Variants in KATNAL1 observed in about 807,000 individuals in gnomAD.
The protein encoded by KATNAL1 is katanin p60 ATPase-containing subunit A-like 1.
Under a neutral mutation model 55.2 loss-of-function variants are expected in KATNAL1, and 32 were observed. The ratio of observed to expected loss-of-function variants is 0.58; its 90% CI spans 0.44 to 0.78. The LOEUF is 0.78. Among genes scored for constraint, KATNAL1 ranks in the 30% least tolerant of loss-of-function variants. KATNAL1 has a pLI of 0.00. For missense variants in KATNAL1, 466 were observed against 600.9 expected (o/e 0.78, Z 2.35); for synonymous variants, 193 against 193.6 (o/e 1.00, Z 0.02).
At chr13:30,254,027 C>T (rs1259764911) in intron 4 of KATNAL1, among the ~76,000 whole-genome samples, 4 of 152,116 alleles carry the variant, frequency 2.6e-5, no homozygotes, top group Non-Finnish European at 5.9e-5. Context: ...TCACTTTGAA[C>T]GGTGCCCAGC....
At chr13:30,291,473 G>A (rs1045086832) in intron 1 of KATNAL1, among the ~76,000 whole-genome samples, 4 of 152,158 alleles carry the variant, frequency 2.6e-5, no homozygotes, top group Admixed American at 2.0e-4. Context: ...CTCAATATGC[G>A]TAAGATGTCA....
chr13:30,247,762 A>C (rs911441954), intron 4 of KATNAL1, among the ~76,000 whole-genome samples: 1 of 152,162 alleles, frequency 6.6e-6, no homozygotes, highest in Admixed American at 6.5e-5. Flanking sequence ...TAAGATAAGA[A>C]GCCACTGAAA....
At chr13:30,263,776 A>G (rs369070204) in intron 3 of KATNAL1, among the ~76,000 whole-genome samples, 15,330 of 137,352 alleles carry the variant, frequency 0.11, 1,072 homozygotes, top group Non-Finnish European at 0.16. Context: ...GGAAGAATCA[A>G]TATCGTGAAA....
At chr13:30,247,344 C>G (rs910205577) in intron 4 of KATNAL1, among the ~76,000 whole-genome samples, 2 of 152,036 alleles carry the variant, frequency 1.3e-5, no homozygotes, top group African/African-American at 2.4e-5. Context: ...AGTATCATGC[C>G]CTGCATTTGA....
intron 2 of KATNAL1, among the ~76,000 whole-genome samples, chr13:30,282,251 A>G (rs781593081): frequency 6.6e-6 from 1 of 152,178 alleles, no homozygotes; most frequent in Non-Finnish European, 1.5e-5. Context: ...TAGATTACTG[A>G]CTCATTTGTA....
intron 9 of KATNAL1, 78 bp downstream of exon 9, chr13:30,227,334 G>A (rs924692257): frequency 1.5e-6 from 2 of 1,371,734 alleles, no homozygotes; most frequent in Non-Finnish European, 2.0e-6. Flanking sequence ...AAGCAGAATG[G>A]CAATGGAATA....
intron 8 of KATNAL1, 129 bp from the exon 9 acceptor site, chr13:30,227,675 G>A: frequency 1.2e-6 from 1 of 806,578 alleles, no homozygotes; most frequent in Non-Finnish European, 1.8e-6. Context: ...ACCTCTGTGT[G>A]GTGGCAAAAC....
chr13:30,222,929 C>T (rs1289352839), intron 9 of KATNAL1, among the ~76,000 whole-genome samples: 1 of 151,650 alleles, frequency 6.6e-6, no homozygotes, highest in Non-Finnish European at 1.5e-5. Flanking sequence ...CCCGTCTCTA[C>T]TAATAATATA....
chr13:30,296,131 C>G (rs1468745405), intron 1 of KATNAL1: 4 of 438,206 alleles, frequency 9.1e-6, no homozygotes, highest in Non-Finnish European at 8.4e-6. Flanking sequence ...CCTTTGCCCA[C>G]ACAGCTTGTT....
chr13:30,261,861 A>G (rs1368202870), intron 3 of KATNAL1, among the ~76,000 whole-genome samples: 6 of 152,086 alleles, frequency 3.9e-5, no homozygotes, highest in Non-Finnish European at 5.9e-5. Flanking sequence ...CTCTGCACCA[A>G]GCGGACCTAA....
intron 9 of KATNAL1, among the ~76,000 whole-genome samples, chr13:30,216,105 A>C (rs1297343102): frequency 6.6e-6 from 1 of 152,198 alleles, no homozygotes; most frequent in Non-Finnish European, 1.5e-5. Flanking sequence ...ATAAATCTTA[A>C]AATACATTGA....
intron 4 of KATNAL1, among the ~76,000 whole-genome samples, chr13:30,252,792 G>GAGTGC (rs1432544571): frequency 6.6e-6 from 1 of 151,628 alleles, no homozygotes; most frequent in Non-Finnish European, 1.5e-5. Flanking sequence ...GCCCAAGCTG[G>GAGTGC]AGTGCAGTGG....
chr13:30,306,135 G>C lies in KATNAL1; in HGVS notation c.-15+1196C>G, dbSNP rs548817364. ...CATAAAGCAGCAAATTTCTAGGATG[G>C]TTATCTACCTATTAAAAAATTTTAA... On this transcript the variant is annotated intron_variant, in intron 1 of 10. Coordinates refer to ENST00000380615, the MANE Select transcript of KATNAL1 (RefSeq NM_032116.5). 4.1e-4 allele frequency among the ~76,000 whole-genome samples: 63 copies of C among 152,186 alleles called. 2 individuals are homozygous for C. The highest frequency in any genetic ancestry group is 1.7e-3 in the South Asian group (8 of 4,824).
intron 3 of KATNAL1, among the ~76,000 whole-genome samples, chr13:30,270,255 G>A (rs1385035443): frequency 6.6e-5 from 9 of 136,248 alleles, no homozygotes; most frequent in African/African-American, 2.3e-4. Context: ...AGGTTGGGGG[G>A]TCAGCCCCCC....
In KATNAL1 at chr13:30,255,617, TGAC is replaced by T; in HGVS notation, c.324-5_324-3del. 11 of 1,250,060 alleles carry T rather than the reference TGAC, an allele frequency of 8.8e-6. No homozygotes were observed. The highest frequency in any genetic ancestry group is 2.7e-5 in the South Asian group (1 of 37,684). 77.4% of individuals were successfully genotyped at this position (1,250,060 alleles called of 1,614,324 possible). ...GGACGCCTGATCTGAGGTGGAGCTC[TGAC>T]AAAAAAAAAAAAAAAAAAATTAAAA... On this transcript the variant is annotated splice_polypyrimidine_tract_variant and splice_region_variant and intron_variant, in intron 3 of 10. Coordinates refer to ENST00000380615, the MANE Select transcript of KATNAL1 (RefSeq NM_032116.5).
intron 3 of KATNAL1, among the ~76,000 whole-genome samples, chr13:30,266,292 G>A (rs542102472): frequency 3.3e-5 from 5 of 152,092 alleles, no homozygotes; most frequent in Admixed American, 6.5e-5. Context: ...GTGAGCCACT[G>A]CACCTGGCCC....
intron 4 of KATNAL1, among the ~76,000 whole-genome samples, chr13:30,252,048 A>G (rs1878367419): frequency 6.6e-6 from 1 of 152,246 alleles, no homozygotes; most frequent in African/African-American, 2.4e-5. Context: ...ATAAGAAGAC[A>G]GTAAGCATTT....
intron 1 of KATNAL1, among the ~76,000 whole-genome samples, chr13:30,285,865 T>C (rs1489746498): frequency 6.6e-6 from 1 of 152,244 alleles, no homozygotes; most frequent in Non-Finnish European, 1.5e-5. Context: ...GAACTTGTCC[T>C]TGCTGTGCTT....
chr13:30,285,250 T>C (rs1394430677), intron 1 of KATNAL1, among the ~76,000 whole-genome samples: 6 of 152,212 alleles, frequency 3.9e-5, no homozygotes, highest in African/African-American at 1.4e-4. Context: ...AGAATCACAC[T>C]GCAACAAATA....
Sources: allele counts gnomAD v4.1 joint callset (sites outside exome capture counted in the v4.1 genomes callset), GRCh38; gene constraint gnomAD v4.1.1; transcripts MANE v1.5; gene names NCBI Gene and HGNC (gene_info 2026-07-23, HGNC 2026-07-21).